The following PPP2R3A variants were observed in gnomAD, a reference collection of about 807,000 sequenced individuals.
PPP2R3A encodes serine/threonine-protein phosphatase 2A regulatory subunit B'' subunit alpha.
PPP2R3A carries 80 observed loss-of-function variants against 106.9 expected under a neutral mutation model. The ratio of observed to expected loss-of-function variants is 0.75; its 90% confidence interval spans 0.62 to 0.90. PPP2R3A has a LOEUF of 0.90. Among genes scored for constraint, PPP2R3A ranks in the 40% least tolerant of loss-of-function variants. PPP2R3A has a pLI of 0.00. For synonymous variants in PPP2R3A, 483 were observed against 468.3 expected, an observed-to-expected ratio of 1.03 and a Z score of -0.41; for missense variants, 1,386 against 1,350.4, an observed-to-expected ratio of 1.03 and a Z score of -0.41.
chr3:136,041,264 T>TTTTTTTTTTTTTTTG (rs1559884368), intron 4 of PPP2R3A, among the ~76,000 whole-genome samples: 1 of 80,516 alleles, frequency 1.2e-5, no homozygotes, highest in African/African-American at 3.8e-5. Context: ...TTTTTTTTGT[T>TTTTTTTTTTTTTTTG]TTTTTTTTTT....
intron 10 of PPP2R3A, among the ~76,000 whole-genome samples, chr3:136,094,925 C>T (rs939355708): frequency 2.6e-5 from 4 of 152,180 alleles, no homozygotes; most frequent in African/African-American, 9.7e-5. Context: ...TACAGACTGA[C>T]ATCCCTCTTG....
intron 1 of PPP2R3A, among the ~76,000 whole-genome samples, chr3:135,998,604 C>G (rs900033766): frequency 1.2e-4 from 18 of 152,082 alleles, no homozygotes; most frequent in African/African-American, 3.4e-4. Context: ...ACACACACAT[C>G]TTTTGACTCA....
intron 1 of PPP2R3A, among the ~76,000 whole-genome samples, chr3:135,995,623 C>T (rs1184266786): frequency 6.6e-6 from 1 of 151,936 alleles, no homozygotes; most frequent in Non-Finnish European, 1.5e-5. Flanking sequence ...CGGGCACACA[C>T]CACCATGCCC....
chr3:135,970,280 C>A (rs193206277), intron 1 of PPP2R3A, among the ~76,000 whole-genome samples: 4 of 152,292 alleles, frequency 2.6e-5, no homozygotes, highest in African/African-American at 9.6e-5. Flanking sequence ...AGTGGAATGA[C>A]GCCTTGCTCA....
At chr3:136,080,190 A>G (rs1374817300) in intron 7 of PPP2R3A, among the ~76,000 whole-genome samples, 2 of 152,024 alleles carry the variant, frequency 1.3e-5, no homozygotes, top group South Asian at 4.1e-4. Context: ...GGTTTTTTTC[A>G]TTTCCATTCA....
intron 1 of PPP2R3A, among the ~76,000 whole-genome samples, chr3:135,974,318 A>T (rs1937333596): frequency 6.6e-6 from 1 of 152,162 alleles, no homozygotes; most frequent in Admixed American, 6.5e-5. Context: ...CAACAACTAC[A>T]TGCTGACTAC....
chr3:136,026,380 C>A (rs1223438488), intron 2 of PPP2R3A, among the ~76,000 whole-genome samples: 2 of 152,092 alleles, frequency 1.3e-5, no homozygotes, highest in African/African-American at 4.8e-5. Context: ...GGAGCCCCTT[C>A]CCCAAATACT....
chr3:136,006,277 G>T (rs1227135929), intron 2 of PPP2R3A, among the ~76,000 whole-genome samples: 2 of 152,182 alleles, frequency 1.3e-5, no homozygotes, highest in African/African-American at 4.8e-5. Flanking sequence ...TTAATGAAAA[G>T]CTAATTCAAA....
At position 136,088,014 on chromosome 3, in the gene PPP2R3A, A is replaced by G. The variant is rs555510620; in HGVS notation, c.2837+83A>G. On this transcript the variant is annotated intron_variant, in intron 9 of 13. Coordinates refer to ENST00000264977, the MANE Select transcript of PPP2R3A (RefSeq NM_002718.5). ...CTCATTTTAGCAAAGCTTCCTGAATAATTTGGCAGTGCTATTGGACCAAAT... is the reference window on the plus strand; with the variant it reads ...CTCATTTTAGCAAAGCTTCCTGAATGATTTGGCAGTGCTATTGGACCAAAT... 4.8e-4 allele frequency: 589 copies of G among 1,227,806 alleles called. 2 individuals are homozygous for G. The African/African-American group carries it at 6.6e-3, about 14-fold the overall frequency. The allele number at this position is 1,227,806 out of a possible 1,614,324, so 76.1% of individuals were successfully genotyped here.
At chr3:136,037,648 G>C (rs1935129903) in intron 3 of PPP2R3A, among the ~76,000 whole-genome samples, 1 of 152,180 alleles carries the variant, frequency 6.6e-6, no homozygotes, top group Non-Finnish European at 1.5e-5. Context: ...TCATCTATGT[G>C]AGGATCACGT....
In PPP2R3A at chr3:136,131,263, C is replaced by G. The variant is rs147963500; in HGVS notation, c.3330-13780C>G. Among the ~76,000 whole-genome samples the G allele has an allele frequency of 4.1e-3, 618 of 152,228 alleles. 5 individuals are homozygous for G. The highest frequency in any genetic ancestry group is 0.012 in the African/African-American group (503 of 41,536). ...AATGGGAGAAAATTTTTGCAATCTA[C>G]CCACCTGACAAAGGGCTAATATCCA... On this transcript the variant is annotated intron_variant, in intron 13 of 13. Coordinates refer to ENST00000264977, the MANE Select transcript of PPP2R3A (RefSeq NM_002718.5).
intron 2 of PPP2R3A, among the ~76,000 whole-genome samples, chr3:136,024,729 A>G (rs1934587044): frequency 6.6e-6 from 1 of 152,160 alleles, no homozygotes; most frequent in African/African-American, 2.4e-5. Flanking sequence ...ATGTGACACC[A>G]CAGAAAACAT....
chr3:136,104,932 A>G (rs999094266), intron 12 of PPP2R3A, among the ~76,000 whole-genome samples: 1 of 152,200 alleles, frequency 6.6e-6, no homozygotes, highest in Non-Finnish European at 1.5e-5. Flanking sequence ...TAAAAAAATT[A>G]CCTTTAAATT....
At chr3:136,021,591 A>G (rs1019685379) in intron 2 of PPP2R3A, among the ~76,000 whole-genome samples, 4 of 152,148 alleles carry the variant, frequency 2.6e-5, no homozygotes, top group Non-Finnish European at 5.9e-5. Context: ...AGGTTCAGTA[A>G]AAGAGGGTTG....
chr3:136,055,559 C>A, intron 5 of PPP2R3A: 1 of 1,379,920 alleles, frequency 7.2e-7, no homozygotes, highest in Non-Finnish European at 1.0e-6. Context: ...CTGCTCAAAT[C>A]TTCACAGAGC....
At chr3:136,121,611 T>A (rs959704046) in intron 13 of PPP2R3A, among the ~76,000 whole-genome samples, 1 of 152,016 alleles carries the variant, frequency 6.6e-6, no homozygotes, top group African/African-American at 2.4e-5. Context: ...AAAAAGAACT[T>A]CATAGGGAAC....
chr3:136,126,798 G>T (rs1487908497), intron 13 of PPP2R3A, among the ~76,000 whole-genome samples: 1 of 152,128 alleles, frequency 6.6e-6, no homozygotes, highest in Non-Finnish European at 1.5e-5. Context: ...CCAGAGGAAG[G>T]ATCAGGCAGC....
intron 13 of PPP2R3A, among the ~76,000 whole-genome samples, chr3:136,112,686 T>G (rs1034656092): frequency 6.6e-6 from 1 of 152,156 alleles, no homozygotes. Flanking sequence ...GAATCAATAT[T>G]GTTAAAATGA....
chr3:136,024,352 A>G (rs973676004), intron 2 of PPP2R3A, among the ~76,000 whole-genome samples: 3 of 152,140 alleles, frequency 2.0e-5, no homozygotes, highest in African/African-American at 7.2e-5. Flanking sequence ...TAGAAAGTAA[A>G]TTGAGTATCC....
Sources: allele counts gnomAD v4.1 joint callset (sites outside exome capture counted in the v4.1 genomes callset), GRCh38; gene constraint gnomAD v4.1.1; transcripts MANE v1.5; gene names NCBI Gene and HGNC (gene_info 2026-07-23, HGNC 2026-07-21).